PDK1: variants seen among roughly 807,000 people sequenced by gnomAD.
PDK1 encodes the protein pyruvate dehydrogenase kinase 1, also known as [Pyruvate dehydrogenase (acetyl-transferring)] kinase isozyme 1, mitochondrial.
PDK1 carries 39 observed loss-of-function variants against 54.2 expected under a neutral mutation model. That is an observed-to-expected ratio of 0.72 (90% CI 0.56 to 0.94). PDK1 has a LOEUF of 0.94. Ranked by LOEUF, PDK1 falls within the 40% of genes least tolerant of loss-of-function variation. The probability of loss-of-function intolerance (pLI) is 0.00; values close to 1 mark genes in which losing one functional copy is unlikely to be tolerated. For synonymous variants in PDK1, 221 were observed against 207.1 expected, an observed-to-expected ratio of 1.07 and a Z score of -0.58; for missense variants, 552 against 566.0, an observed-to-expected ratio of 0.98 and a Z score of 0.25.
At chr2:172,651,185 C>A in the PDK1 span, among the ~76,000 whole-genome samples, 1 of 152,138 alleles carries the variant, frequency 6.6e-6, no homozygotes, top group African/African-American at 2.4e-5. Context: ...CAAAACCGCT[C>A]AACTACATGG....
At chr2:172,628,982 G>A in the PDK1 span, among the ~76,000 whole-genome samples, 4 of 152,088 alleles carry the variant, frequency 2.6e-5, no homozygotes, top group Non-Finnish European at 4.4e-5. Flanking sequence ...AAATAAATTA[G>A]CCAAGTGTGT....
chr2:172,683,262 G>GCATCAACC, the PDK1 span, among the ~76,000 whole-genome samples: 1 of 151,676 alleles, frequency 6.6e-6, no homozygotes, highest in African/African-American at 2.4e-5. Context: ...CAGGAGAATG[G>GCATCAACC]CATCAACCCA....
At chr2:172,637,752 G>A in the PDK1 span, among the ~76,000 whole-genome samples, 1 of 152,128 alleles carries the variant, frequency 6.6e-6, no homozygotes, top group East Asian at 1.9e-4. Flanking sequence ...CTAGAGTGTA[G>A]TGGCGCAATC....
At chr2:172,575,259 A>G (rs978669602) in intron 8 of PDK1, among the ~76,000 whole-genome samples, 2 of 152,258 alleles carry the variant, frequency 1.3e-5, no homozygotes, top group East Asian at 1.9e-4. Flanking sequence ...GTTGATGTTC[A>G]TAAGGTATGT....
chr2:172,580,002 C>T (rs981871281), intron 8 of PDK1, among the ~76,000 whole-genome samples: 1 of 151,976 alleles, frequency 6.6e-6, no homozygotes, highest in African/African-American at 2.4e-5. Flanking sequence ...TACAAATTTC[C>T]AAGAATCCTT....
the PDK1 span, among the ~76,000 whole-genome samples, chr2:172,703,400 C>T: frequency 1.3e-5 from 2 of 152,144 alleles, no homozygotes; most frequent in African/African-American, 4.8e-5. Context: ...CCACAGAAAA[C>T]ATACCTAGAT....
intron 7 of PDK1, among the ~76,000 whole-genome samples, chr2:172,570,137 C>CT (rs1007154465): frequency 1.3e-5 from 2 of 152,142 alleles, no homozygotes; most frequent in Non-Finnish European, 2.9e-5. Flanking sequence ...TAGTTTATAT[C>CT]ATTTTCTACT....
chr2:172,661,829 G>A, the PDK1 span, among the ~76,000 whole-genome samples: 1 of 152,134 alleles, frequency 6.6e-6, no homozygotes, highest in African/African-American at 2.4e-5. Flanking sequence ...AGGGGCAGGG[G>A]CTGATAAACT....
chr2:172,697,283 G>A, the PDK1 span, among the ~76,000 whole-genome samples: 2 of 152,124 alleles, frequency 1.3e-5, no homozygotes, highest in Non-Finnish European at 2.9e-5. Flanking sequence ...GACCCTGTTT[G>A]TACAGTCCCA....
At chr2:172,644,399 G>A in the PDK1 span, among the ~76,000 whole-genome samples, 5 of 152,174 alleles carry the variant, frequency 3.3e-5, no homozygotes, top group Admixed American at 6.5e-5. Context: ...TGTGGCTTGG[G>A]CCTTTTTTAA....
At chr2:172,622,897 TATA>T in the PDK1 span, among the ~76,000 whole-genome samples, 2 of 147,884 alleles carry the variant, frequency 1.4e-5, no homozygotes, top group African/African-American at 4.9e-5. Context: ...TTATATGTAA[TATA>T]ATATAATATA....
the PDK1 span, among the ~76,000 whole-genome samples, chr2:172,678,427 G>A: frequency 6.6e-6 from 1 of 152,026 alleles, no homozygotes; most frequent in Non-Finnish European, 1.5e-5. Flanking sequence ...CTAGGGAGTG[G>A]GATTGGTGGT....
chr2:172,595,285 G>A (rs1278031991), intron 10 of PDK1, among the ~76,000 whole-genome samples: 4 of 151,950 alleles, frequency 2.6e-5, no homozygotes, highest in Non-Finnish European at 4.4e-5. Flanking sequence ...GCCCAGGCTG[G>A]TCTCCAACTC....
chr2:172,563,027 C>T (rs1222622497), intron 3 of PDK1, among the ~76,000 whole-genome samples: 4 of 152,200 alleles, frequency 2.6e-5, no homozygotes, highest in Non-Finnish European at 2.9e-5. Context: ...CAAGAGTTTA[C>T]TCCTTGCTTA....
At chr2:172,642,877 A>C in the PDK1 span, among the ~76,000 whole-genome samples, 109 of 118,410 alleles carry the variant, frequency 9.2e-4, no homozygotes, top group African/African-American at 1.2e-3. Context: ...TCCTCCTCCC[A>C]CTCCTCCTCC....
At chr2:172,667,724 A>G in the PDK1 span, among the ~76,000 whole-genome samples, 1 of 152,214 alleles carries the variant, frequency 6.6e-6, no homozygotes, top group African/African-American at 2.4e-5. Flanking sequence ...AGTGCTCTCT[A>G]CTAAGTACAC....
At chr2:172,668,820 T>C in the PDK1 span, among the ~76,000 whole-genome samples, 3 of 147,452 alleles carry the variant, frequency 2.0e-5, no homozygotes, top group African/African-American at 7.4e-5. Flanking sequence ...ATTATATATA[T>C]ATACACACAT....
chr2:172,600,424 G>T lies in PDK1; in HGVS notation c.*4455G>T, dbSNP rs146709451. On this transcript the variant is annotated 3_prime_UTR_variant, in exon 11 of 11. Coordinates refer to ENST00000282077, the MANE Select transcript of PDK1 (RefSeq NM_002610.5). The stretch of plus-strand genomic sequence containing the variant: ...AGCATAAACATATCTGGTTTAATAT[G>T]AACTATTTCTTTTCATCTCTTTACT... The T allele has an allele frequency of 1.3e-5, 2 of 152,266 alleles. No homozygotes were observed. Among genetic ancestry groups the T allele is most frequent in the Non-Finnish European group, 2.9e-5 (2 of 68,028 alleles). 9.4% of individuals were successfully genotyped at this position (152,266 alleles called of 1,614,324 possible).
chr2:172,570,717 G>A lies in PDK1; in HGVS notation c.847-9G>A, dbSNP rs773548572. On this transcript the variant is annotated splice_polypyrimidine_tract_variant and intron_variant, in intron 7 of 10. Coordinates refer to ENST00000282077, the MANE Select transcript of PDK1 (RefSeq NM_002610.5). The stretch of plus-strand genomic sequence containing the variant: ...GCTGTATTTTTAATACAACCCTAAT[G>A]TATTTCAGAATGCAATGAGAGCCAC... 1.3e-6 allele frequency: 2 copies of A among 1,518,768 alleles called. No homozygotes were observed. The highest frequency in any genetic ancestry group is 1.1e-5 in the South Asian group (1 of 87,500). 94.1% of individuals were successfully genotyped at this position (1,518,768 alleles called of 1,614,324 possible). A position where few individuals can be genotyped will look rare whatever the true frequency, so the allele number is the denominator to read the frequency against.
Sources: gnomAD v4.1 joint callset for allele counts (sites outside exome capture counted in the v4.1 genomes callset) on GRCh38, gnomAD v4.1.1 for gene constraint, MANE v1.5 for transcripts, NCBI Gene and HGNC (gene_info 2026-07-23, HGNC 2026-07-21) for gene names.